Variants in RTKN2 observed in about 807,000 individuals in gnomAD.
RTKN2 encodes the protein rhotekin-2.
RTKN2 carries 69 observed loss-of-function variants against 71.5 expected under a neutral mutation model. That is an observed-to-expected ratio of 0.96 (90% CI 0.79 to 1.18). The LOEUF is 1.18. RTKN2 is among the 50% of genes most tolerant of loss of function. The probability of loss-of-function intolerance (pLI) is 0.00; values close to 1 mark genes in which losing one functional copy is unlikely to be tolerated. For synonymous variants in RTKN2, 236 were observed against 236.5 expected, an observed-to-expected ratio of 1.00 and a Z score of 0.02; for missense variants, 724 against 719.7, an observed-to-expected ratio of 1.01 and a Z score of -0.07.
rs116442329 is a variant in RTKN2, at chr10:62,253,031, T to C, written c.258-6974A>G. Reference sequence around the variant, plus strand: ...GATATATCAGTTATATCAGTAAATATAAAATGTCTTAATTTTCCCATTAAA... The same window carrying C: ...GATATATCAGTTATATCAGTAAATACAAAATGTCTTAATTTTCCCATTAAA... On this transcript the variant is annotated intron_variant, in intron 2 of 11. Coordinates refer to ENST00000373789, the MANE Select transcript of RTKN2 (RefSeq NM_145307.4). 5.0e-3 allele frequency among the ~76,000 whole-genome samples: 758 copies of C among 152,200 alleles called. 10 individuals are homozygous for C. The highest frequency in any genetic ancestry group is 0.016 in the African/African-American group (667 of 41,558).
At chr10:62,256,454 A>G (rs887310438) in intron 2 of RTKN2, among the ~76,000 whole-genome samples, 2 of 152,170 alleles carry the variant, frequency 1.3e-5, no homozygotes, top group African/African-American at 2.4e-5. Flanking sequence ...AAAGATAAAC[A>G]GTTTTCTTCT....
chr10:62,261,570 GA>G (rs1336637408), intron 2 of RTKN2, among the ~76,000 whole-genome samples: 1 of 152,168 alleles, frequency 6.6e-6, no homozygotes, highest in Non-Finnish European at 1.5e-5. Flanking sequence ...AGAATCGCTT[GA>G]ACCCGGGAGG....
intron 2 of RTKN2, among the ~76,000 whole-genome samples, chr10:62,261,407 C>T (rs1392009884): frequency 8.6e-5 from 13 of 151,976 alleles, no homozygotes; most frequent in African/African-American, 2.7e-4. Context: ...TCTGGGAGGC[C>T]GAGGTGGCCA....
chr10:62,241,246 T>A (rs1390486175), intron 3 of RTKN2, 51 bp from the exon 4 acceptor site: 2 of 1,079,190 alleles, frequency 1.9e-6, no homozygotes, highest in South Asian at 1.3e-5. Flanking sequence ...GTAAGTTTTA[T>A]TCTTTACAGT....
At chr10:62,239,924 T>C (rs1172346619) in intron 4 of RTKN2, among the ~76,000 whole-genome samples, 159 bp from the exon 5 acceptor site, 1 of 152,092 alleles carries the variant, frequency 6.6e-6, no homozygotes, top group Non-Finnish European at 1.5e-5. Flanking sequence ...TCTCCCAGTA[T>C]ATAGGAATAC....
At chr10:62,260,987 A>G (rs1842762245) in intron 2 of RTKN2, among the ~76,000 whole-genome samples, 1 of 152,174 alleles carries the variant, frequency 6.6e-6, no homozygotes, top group African/African-American at 2.4e-5. Flanking sequence ...CAGAACCTCC[A>G]AATACTCCAC....
At chr10:62,259,077 G>T (rs1329611872) in intron 2 of RTKN2, 37 of 326,826 alleles carry the variant, frequency 1.1e-4, no homozygotes, top group Admixed American at 4.1e-4. Flanking sequence ...GAATCATAGG[G>T]GCAGGTTTTT....
At position 62,246,496 on chromosome 10, in the gene RTKN2, T is replaced by C. The variant is rs190409353; in HGVS notation, c.258-439A>G. Among the ~76,000 whole-genome samples, 22 of 152,164 alleles carry C rather than the reference T, an allele frequency of 1.4e-4. No individual in the cohort carries two copies. The East Asian group carries it at 4.2e-3, about 29-fold the overall frequency. On this transcript the variant is annotated intron_variant, in intron 2 of 11. Transcript: ENST00000373789. ...CAATTTACTGTCCAGGAGTATCTTA[T>C]CCTTATAGAATCTGATAAATATCCA...
intron 6 of RTKN2, among the ~76,000 whole-genome samples, chr10:62,228,551 AG>A (rs1842079825): frequency 6.6e-6 from 1 of 152,222 alleles, no homozygotes; most frequent in African/African-American, 2.4e-5. Context: ...TTTTCCATGA[AG>A]GATAGTTATG....
chr10:62,241,167 G>T lies in RTKN2; in HGVS notation c.345C>A (p.Asp115Glu). Residue 115 changes from aspartate to glutamate, a missense_variant, in exon 4 of 12, where the codon GAC (aspartate) becomes GAA (glutamate). Physicochemically the swap from Asp to Glu is conservative, Grantham distance 45. Coordinates refer to ENST00000373789, the MANE Select transcript of RTKN2 (RefSeq NM_145307.4). ...SDIRIPLMWK[D>E]SDHFSNKERS... Reference sequence around the variant, plus strand: ...GTTCTTTATTGCTGAAGTGATCAGAGTCTTTCCACATTAGTGGTATTCGAA... The same window carrying T: ...GTTCTTTATTGCTGAAGTGATCAGATTCTTTCCACATTAGTGGTATTCGAA... 1 of 1,559,782 alleles carries T rather than the reference G, an allele frequency of 6.4e-7. No homozygotes were observed. The highest frequency in any genetic ancestry group is 8.8e-7 in the Non-Finnish European group (1 of 1,138,956).
At chr10:62,201,720 A>G (rs535294588) in intron 10 of RTKN2, among the ~76,000 whole-genome samples, 11 of 152,282 alleles carry the variant, frequency 7.2e-5, no homozygotes, top group African/African-American at 2.6e-4. Context: ...TAGTAGCAGA[A>G]TATGAGTTAC....
In RTKN2 at chr10:62,268,712, AC is replaced by A; in HGVS notation, c.-103del. 8.0e-7 allele frequency: 1 copy of A among 1,248,710 alleles called. No individual in the cohort carries two copies. Among genetic ancestry groups the A allele is most frequent in the Non-Finnish European group, 1.1e-6 (1 of 898,686 alleles). 77.4% of individuals were successfully genotyped at this position (1,248,710 alleles called of 1,614,324 possible). A position where few individuals can be genotyped will look rare whatever the true frequency, so the allele number is the denominator to read the frequency against. On this transcript the variant is annotated 5_prime_UTR_variant, in exon 1 of 12. Coordinates refer to ENST00000373789, the MANE Select transcript of RTKN2 (RefSeq NM_145307.4). The stretch of plus-strand genomic sequence containing the variant: ...CAGAGGACGCCAACCGCCCGGCCGT[AC>A]CAAGTCCCAGTCGCAGGGGCCGGGG...
At chr10:62,212,418 G>C (rs1304149769) in intron 9 of RTKN2, among the ~76,000 whole-genome samples, 1 of 151,472 alleles carries the variant, frequency 6.6e-6, no homozygotes, top group Non-Finnish European at 1.5e-5. Flanking sequence ...AATATACTAA[G>C]AGACTGGGTA....
chr10:62,198,470 A>C lies in RTKN2; in HGVS notation c.1295-27T>G. 5 of 1,373,440 alleles carry C rather than the reference A, an allele frequency of 3.6e-6. No homozygotes were observed. The South Asian group carries it at 5.8e-5, about 16-fold the overall frequency. 85.1% of individuals were successfully genotyped at this position (1,373,440 alleles called of 1,614,324 possible). On this transcript the variant is annotated intron_variant, in intron 11 of 11. Transcript: ENST00000373789. ...TATAATAATTTTAAGAAAAAAAAAC[A>C]TGAAAAAATTCAAAAGCAGTATGTA...
chr10:62,254,898 G>GT (rs1842646072), intron 2 of RTKN2, among the ~76,000 whole-genome samples: 1 of 152,170 alleles, frequency 6.6e-6, no homozygotes, highest in African/African-American at 2.4e-5. Context: ...GAACCCAGAA[G>GT]TTTGAGGCTA....
In RTKN2 at chr10:62,227,672, G is replaced by A. The variant is rs145032375; in HGVS notation, c.687-4340C>T. Among the ~76,000 whole-genome samples the A allele has an allele frequency of 1.7e-3, 259 of 152,264 alleles. 1 individual carries two copies. Among genetic ancestry groups the A allele is most frequent in the Admixed American group, 3.2e-3 (49 of 15,280 alleles). On this transcript the variant is annotated intron_variant, in intron 6 of 11. Transcript: ENST00000373789. ...AGAGTCATGTGCTATGATCTGACTT[G>A]TATCAAAATTAAATGATTCCTCTGG... is the stretch of plus-strand genomic sequence containing the variant.
intron 11 of RTKN2, 131 bp from the exon 12 acceptor site, chr10:62,198,574 AC>A: frequency 1.5e-6 from 1 of 666,698 alleles, no homozygotes; most frequent in East Asian, 3.0e-5. Context: ...GAAAACGTTC[AC>A]TTGTAAAAAT....
chr10:62,200,362 CAAAAAAAAAAAA>C (rs67854159), intron 10 of RTKN2, among the ~76,000 whole-genome samples: 1 of 79,504 alleles, frequency 1.3e-5, no homozygotes, highest in Admixed American at 1.8e-4. Flanking sequence ...GACTCCGTCT[CAAAAAAAAAAAA>C]AAAAAAAAAA....
intron 3 of RTKN2, among the ~76,000 whole-genome samples, chr10:62,241,436 T>C (rs1347001130): frequency 6.6e-6 from 1 of 152,214 alleles, no homozygotes; most frequent in African/African-American, 2.4e-5. Context: ...TAACTCCATA[T>C]ATATCTGTTT....
Sources: allele counts gnomAD v4.1 joint callset (sites outside exome capture counted in the v4.1 genomes callset), GRCh38; gene constraint gnomAD v4.1.1; transcripts MANE v1.5; gene names NCBI Gene and HGNC (gene_info 2026-07-23, HGNC 2026-07-21).